Variants in OR2B11 observed in about 807,000 individuals in gnomAD.
OR2B11 encodes the protein olfactory receptor family 2 subfamily B member 11.
For synonymous variants in OR2B11, 198 were observed against 174.5 expected (o/e 1.13, Z -1.06); for missense variants, 422 against 400.0 (o/e 1.05, Z -0.47).
chr1:247,454,406 G>A lies in OR2B11; in HGVS notation c.-2424C>T, dbSNP rs907936398. ...CTCAAGGCACAGCCTTGCTTCCCTGGATGGACACAGTAGTTCCCACAAACA... is the reference window on the plus strand; with the variant it reads ...CTCAAGGCACAGCCTTGCTTCCCTGAATGGACACAGTAGTTCCCACAAACA... On this transcript the variant is annotated 5_prime_UTR_variant, in exon 2 of 2. Coordinates refer to ENST00000641149, the MANE Select transcript of OR2B11 (RefSeq NM_001004492.2). The A allele has an allele frequency of 3.3e-5, 5 of 152,504 alleles. No homozygotes were observed. Among genetic ancestry groups the A allele is most frequent in the African/African-American group, 1.2e-4 (5 of 41,554 alleles). The allele number at this position is 152,504 out of a possible 1,614,324, so 9.4% of individuals were successfully genotyped here.
intron 1 of OR2B11, among the ~76,000 whole-genome samples, chr1:247,457,060 A>G (rs562146072): frequency 6.6e-6 from 1 of 152,098 alleles, no homozygotes; most frequent in South Asian, 2.1e-4. Context: ...CCCAGCAGTG[A>G]TGGGCCTATG....
rs556543722 is a variant in OR2B11 at position 247,452,334 on chromosome 1, G to A, written c.-352C>T. ...TATGTGAGAAGAATACCTCACGAAT[G>A]ACAATTATGTTCCAGGTAGAGCGAA... On this transcript the variant is annotated 5_prime_UTR_variant, in exon 2 of 2. Transcript: ENST00000641149. 2.6e-4 allele frequency: 64 copies of A among 244,286 alleles called. No homozygotes were observed. The highest frequency in any genetic ancestry group is 1.3e-3 in the African/African-American group (58 of 45,092). 15.1% of individuals were successfully genotyped at this position (244,286 alleles called of 1,614,324 possible).
Position 247,451,656 on chromosome 1 carries a change from G to A in OR2B11, c.327C>T (p.His109=). 1 of 1,614,220 alleles carries A rather than the reference G, an allele frequency of 6.2e-7. No homozygotes were observed. The highest frequency in any genetic ancestry group is 8.5e-7 in the Non-Finnish European group (1 of 1,180,036). The change falls in exon 2 of 2, where the codon CAC becomes CAT. Residue 109 remains histidine (H), a synonymous_variant. Transcript: ENST00000641149. ...CGATGCACTCCGTGCATCCCAGCCA[G>A]TGGAAGACTGCATATTGCACAGTGC... is the stretch of plus-strand genomic sequence containing the variant. The part of the protein sequence containing the change: ...GGCTVQYAVF[H]WLGCTECIVL...
rs1410931502 is a variant in OR2B11, at chr1:247,453,385, G to A, written c.-1403C>T. On this transcript the variant is annotated 5_prime_UTR_variant, in exon 2 of 2. In the 5' UTR this introduces an upstream ATG that the reference lacks. Transcript: ENST00000641149. ...CTTCTCTAGTTTCAAAACCACACAC[G>A]TTTTGTCAGAAAGTTGCCAATATTC... 4 of 152,156 alleles carry A rather than the reference G, an allele frequency of 2.6e-5. No individual in the cohort carries two copies. The highest frequency in any genetic ancestry group is 7.2e-5 in the African/African-American group (3 of 41,440). 9.4% of individuals were successfully genotyped at this position (152,156 alleles called of 1,614,324 possible).
chr1:247,451,261 G>C lies in OR2B11; in HGVS notation c.722C>G (p.Ala241Gly). 1 of 1,613,344 alleles carries C rather than the reference G, an allele frequency of 6.2e-7. No homozygotes were observed. The highest frequency in any genetic ancestry group is 8.5e-7 in the Non-Finnish European group (1 of 1,179,440). ...CAGGTGGGAGGAACACGTCCCAAAGGCCTTGTGTCGTCCCTTGGAGGACTG... is the reference window on the plus strand; with the variant it reads ...CAGGTGGGAGGAACACGTCCCAAAGCCCTTGTGTCGTCCCTTGGAGGACTG... ...RIQSSKGRHKAFGTCSSHLMI... is the reference protein window; with the variant it reads ...RIQSSKGRHKGFGTCSSHLMI... The change falls in exon 2 of 2, where the codon GCC (alanine) becomes GGC (glycine). Residue 241 changes from alanine to glycine, a missense_variant. Transcript: ENST00000641149.
chr1:247,455,392 A>T (rs1284638994), intron 1 of OR2B11, among the ~76,000 whole-genome samples: 1 of 152,202 alleles, frequency 6.6e-6, no homozygotes, highest in African/African-American at 2.4e-5. Context: ...GGAGGCCATC[A>T]TTGGGATTAC....
In OR2B11 at chr1:247,452,221, A is replaced by G. The variant is rs1233464405; in HGVS notation, c.-239T>C. On this transcript the variant is annotated 5_prime_UTR_variant, in exon 2 of 2. It removes an upstream start codon present in the reference 5' UTR. Transcript: ENST00000641149. ...CCTACTCAGTGGCCGCAACTAAACC[A>G]TTTAATATTCCTGAACTTCTGCATC... The G allele has an allele frequency of 1.6e-5, 8 of 486,158 alleles. No homozygotes were observed. In the East Asian group the frequency reaches 2.3e-4, roughly 14 times the overall value. 30.1% of individuals were successfully genotyped at this position (486,158 alleles called of 1,614,324 possible). A position where few individuals can be genotyped will look rare whatever the true frequency, so the allele number is the denominator to read the frequency against.
In OR2B11 at chr1:247,455,975, A is replaced by G. The variant is rs74154658; in HGVS notation, c.-3082-911T>C. Among the ~76,000 whole-genome samples, 573 of 152,326 alleles carry G rather than the reference A, an allele frequency of 3.8e-3. 2 individuals carry two copies. Among genetic ancestry groups the G allele is most frequent in the African/African-American group, 0.013 (555 of 41,566 alleles). ...CAGTGGATCTGAGGTCTAATTTTTC[A>G]TAACACTTTAATTTGAAAGATTAAA... On this transcript the variant is annotated intron_variant, in intron 1 of 1. Transcript: ENST00000641149.
chr1:247,451,114 T>C lies in OR2B11; in HGVS notation c.869A>G (p.Asn290Ser). 6.6e-7 allele frequency: 1 copy of C among 1,512,450 alleles called. No individual in the cohort carries two copies. Among genetic ancestry groups the C allele is most frequent in the East Asian group, 2.3e-5 (1 of 44,008 alleles). 93.7% of individuals were successfully genotyped at this position (1,512,450 alleles called of 1,614,324 possible). ...ATTTCTCAGGGTGTAGGTGAAGGGATTGAGAGTGGGGGTGATTATGGAATA... is the reference window on the plus strand; with the variant it reads ...ATTTCTCAGGGTGTAGGTGAAGGGACTGAGAGTGGGGGTGATTATGGAATA... The part of the protein sequence containing the change: ...LFYSIITPTL[N>S]PFTYTLRNKD... The change falls in exon 2 of 2, where the codon AAT (asparagine) becomes AGT (serine). Residue 290 changes from asparagine (N) to serine (S), a missense_variant. Asn to Ser is a conservative substitution (Grantham distance 46). Transcript: ENST00000641149.
At position 247,454,589 on chromosome 1, in the gene OR2B11, T is replaced by C. The variant is rs1408543442; in HGVS notation, c.-2607A>G. 1 of 152,382 alleles carries C rather than the reference T, an allele frequency of 6.6e-6. No individual in the cohort carries two copies. Among genetic ancestry groups the C allele is most frequent in the African/African-American group, 2.4e-5 (1 of 41,478 alleles). The allele number at this position is 152,382 out of a possible 1,614,324, so 9.4% of individuals were successfully genotyped here. Reference sequence around the variant, plus strand: ...CAAACCATCTCCTTCATCTTAATTCTGGCTGAGTTCCCTTCAGTCACCGTG... The same window carrying C: ...CAAACCATCTCCTTCATCTTAATTCCGGCTGAGTTCCCTTCAGTCACCGTG... On this transcript the variant is annotated 5_prime_UTR_variant, in exon 2 of 2. Transcript: ENST00000641149.
At chr1:247,456,363 T>C (rs1051165926) in intron 1 of OR2B11, among the ~76,000 whole-genome samples, 5 of 152,200 alleles carry the variant, frequency 3.3e-5, no homozygotes, top group African/African-American at 7.2e-5. Context: ...CCCAGACTAG[T>C]CTCGAACTCC....
In OR2B11 at chr1:247,452,107, T is replaced by C. The variant is rs1236267695; in HGVS notation, c.-125A>G. On this transcript the variant is annotated 5_prime_UTR_variant, in exon 2 of 2. Coordinates refer to ENST00000641149, the MANE Select transcript of OR2B11 (RefSeq NM_001004492.2). Reference sequence around the variant, plus strand: ...TTCCTTTCCCAGGTGATAGCCTGTTTGATTCTCCTTACCTCTGTGGAGACG... The same window carrying C: ...TTCCTTTCCCAGGTGATAGCCTGTTCGATTCTCCTTACCTCTGTGGAGACG... The C allele has an allele frequency of 4.5e-6, 3 of 661,960 alleles. No homozygotes were observed. Among genetic ancestry groups the C allele is most frequent in the East Asian group, 5.4e-5 (2 of 36,732 alleles). The allele number at this position is 661,960 out of a possible 1,614,324, so 41.0% of individuals were successfully genotyped here.
Position 247,452,952 on chromosome 1 carries a change from A to G in OR2B11, c.-970T>C, listed in dbSNP as rs1664881926. 2 of 152,156 alleles carry G rather than the reference A, an allele frequency of 1.3e-5. No individual in the cohort carries two copies. The highest frequency in any genetic ancestry group is 1.3e-4 in the Admixed American group (2 of 15,260). 9.4% of individuals were successfully genotyped at this position (152,156 alleles called of 1,614,324 possible). A position where few individuals can be genotyped will look rare whatever the true frequency, so the allele number is the denominator to read the frequency against. On this transcript the variant is annotated 5_prime_UTR_variant, in exon 2 of 2. Coordinates refer to ENST00000641149, the MANE Select transcript of OR2B11 (RefSeq NM_001004492.2). Reference sequence around the variant, plus strand: ...GAAAACAGCCAATTTGATTTCTGAAACCATTGCTGTTAGGAAGCAACTGGG... The same window carrying G: ...GAAAACAGCCAATTTGATTTCTGAAGCCATTGCTGTTAGGAAGCAACTGGG...
Position 247,451,459 on chromosome 1 carries a change from C to A in OR2B11, c.524G>T (p.Arg175Leu). 2 of 1,614,164 alleles carry A rather than the reference C, an allele frequency of 1.2e-6. No homozygotes were observed. Among genetic ancestry groups the A allele is most frequent in the Non-Finnish European group, 1.7e-6 (2 of 1,180,022 alleles). The change falls in exon 2 of 2, where the codon CGG becomes CTG. Residue 175 changes from arginine (R) to leucine (L), a missense_variant. Arg to Leu is a moderately radical substitution (Grantham distance 102, BLOSUM62 -2). Coordinates refer to ENST00000641149, the MANE Select transcript of OR2B11 (RefSeq NM_001004492.2). ...ACAGAAAAAGTTGTTCAGCACCTGC[C>A]GCCCGCAGAATGGCAATTGCACCGT... ...VLTVQLPFCG[R>L]QVLNNFFCEV...
chr1:247,454,193 A>ACACG lies in OR2B11; in HGVS notation c.-2212_-2211insCGTG, dbSNP rs765471817. ...TGCACGTGCACACGCACACACACAC[A>ACACG]CACACACACACACGCACACACACAC... is the stretch of plus-strand genomic sequence containing the variant. On this transcript the variant is annotated 5_prime_UTR_variant, in exon 2 of 2. An upstream open reading frame in the 5' UTR gains an earlier in-frame stop. Coordinates refer to ENST00000641149, the MANE Select transcript of OR2B11 (RefSeq NM_001004492.2). The ACACG allele has an allele frequency of 0.38, 11,826 of 31,182 alleles. 546 individuals are homozygous for ACACG. Among genetic ancestry groups the ACACG allele is most frequent in the Admixed American group, 0.46 (1,782 of 3,862 alleles). 1.9% of individuals were successfully genotyped at this position (31,182 alleles called of 1,614,324 possible). A position where few individuals can be genotyped will look rare whatever the true frequency, so the allele number is the denominator to read the frequency against.
In OR2B11 at chr1:247,452,824, A is replaced by G. The variant is rs1664880208; in HGVS notation, c.-842T>C. The G allele has an allele frequency of 6.6e-6, 1 of 152,256 alleles. No individual in the cohort carries two copies. The highest frequency in any genetic ancestry group is 1.9e-4 in the East Asian group (1 of 5,200). 9.4% of individuals were successfully genotyped at this position (152,256 alleles called of 1,614,324 possible). A position where few individuals can be genotyped will look rare whatever the true frequency, so the allele number is the denominator to read the frequency against. ...GTAGCCCCTGGAATTGTCTACGGAA[A>G]GATCAGACTGCCCTCTAGGGCTAGG... is the stretch of plus-strand genomic sequence containing the variant. On this transcript the variant is annotated 5_prime_UTR_variant, in exon 2 of 2. Coordinates refer to ENST00000641149, the MANE Select transcript of OR2B11 (RefSeq NM_001004492.2).
chr1:247,451,951 T>TC lies in OR2B11; in HGVS notation c.31dup (p.Asp11GlyfsTer4), dbSNP rs759816432. 3 of 1,585,286 alleles carry TC rather than the reference T, an allele frequency of 1.9e-6. No individual in the cohort carries two copies. The Admixed American group carries it at 5.3e-5, about 28-fold the overall frequency. The stretch of plus-strand genomic sequence containing the variant: ...CAGAAGGATGAAGGCTTTAGGGGAG[T>TC]CCCCTAAGAAGCTATGGTTGTCACT... On this transcript the variant is annotated frameshift_variant, in exon 2 of 2. Transcript: ENST00000641149. LOFTEE classifies it low-confidence loss of function (END_TRUNC).
rs1248222573 is a variant in OR2B11, at chr1:247,454,008, C to CGT, written c.-2027_-2026insAC. ...TGACATGGGGAGCAGCAAGGGCAGT[C>CGT]GCGTAAACGACTGAGACAAAAGAAG... On this transcript the variant is annotated 5_prime_UTR_variant, in exon 2 of 2. It removes the in-frame stop codon of an upstream open reading frame in the 5' UTR. Transcript: ENST00000641149. 2.0e-5 allele frequency: 3 copies of CGT among 152,140 alleles called. No individual in the cohort carries two copies. Among genetic ancestry groups the CGT allele is most frequent in the African/African-American group, 7.2e-5 (3 of 41,396 alleles). 9.4% of individuals were successfully genotyped at this position (152,140 alleles called of 1,614,324 possible).
chr1:247,450,730 A>G lies in OR2B11; in HGVS notation c.*299T>C, dbSNP rs116020817. 1,784 of 233,452 alleles carry G rather than the reference A, an allele frequency of 7.6e-3. 30 individuals carry two copies. The highest frequency in any genetic ancestry group is 0.037 in the African/African-American group (1,643 of 44,702). 14.5% of individuals were successfully genotyped at this position (233,452 alleles called of 1,614,324 possible). ...AAGAGACAAATGGGGAGAGAATAAA[A>G]GAAATATAGGAAGAGGAAAAGAGAA... On this transcript the variant is annotated 3_prime_UTR_variant, in exon 2 of 2. Transcript: ENST00000641149.
Sources: gnomAD v4.1 joint callset for allele counts (sites outside exome capture counted in the v4.1 genomes callset) on GRCh38, gnomAD v4.1.1 for gene constraint, MANE v1.5 for transcripts, NCBI Gene and HGNC (gene_info 2026-07-23, HGNC 2026-07-21) for gene names.